Variants in LRIG1 observed in about 807,000 individuals in gnomAD.
LRIG1 encodes leucine rich repeats and immunoglobulin like domains 1.
A neutral mutation model predicts 99.2 loss-of-function variants in LRIG1; 48 were observed. The ratio of observed to expected loss-of-function variants is 0.48; its 90% CI spans 0.38 to 0.62. LRIG1 has a LOEUF of 0.62. Among genes scored for constraint, LRIG1 ranks in the 20% least tolerant of loss-of-function variants. The pLI is 0.00. For synonymous variants in LRIG1, 772 were observed against 596.1 expected (o/e 1.29, Z -4.30); for missense variants, 1,646 against 1,434.4 (o/e 1.15, Z -2.38).
intron 9 of LRIG1, chr3:66,404,257 A>C (rs1475922737): frequency 1.6e-6 from 2 of 1,289,162 alleles, no homozygotes; most frequent in South Asian, 1.2e-5. Flanking sequence ...TCTATCATCG[A>C]GCTCCACTAG....
chr3:66,383,842 A>AT (rs1701229108), intron 14 of LRIG1, 149 bp downstream of exon 14: 4 of 1,133,178 alleles, frequency 3.5e-6, no homozygotes, highest in Non-Finnish European at 4.9e-6. Context: ...TTTAAGAAAA[A>AT]TTAACTCAAC....
intron 3 of LRIG1, among the ~76,000 whole-genome samples, chr3:66,449,890 T>C (rs1370935435): frequency 6.6e-6 from 1 of 152,236 alleles, no homozygotes; most frequent in Non-Finnish European, 1.5e-5. Flanking sequence ...CCTTGTTAAA[T>C]GGAGCTTCTG....
chr3:66,497,690 A>T, intron 1 of LRIG1, among the ~76,000 whole-genome samples: 1 of 137,104 alleles, frequency 7.3e-6, no homozygotes, highest in Middle Eastern at 3.5e-3. Context: ...CTTCCACATC[A>T]GACGCACTGT....
intron 5 of LRIG1, among the ~76,000 whole-genome samples, chr3:66,414,673 C>A (rs548866098): frequency 6.6e-6 from 1 of 152,298 alleles, no homozygotes; most frequent in South Asian, 2.1e-4. Flanking sequence ...ACTCCTGATT[C>A]CATTTTGGAA....
At chr3:66,493,160 C>T (rs7642219) in intron 1 of LRIG1, among the ~76,000 whole-genome samples, 130,594 of 152,106 alleles carry the variant, frequency 0.86, 58,690 homozygotes, top group Non-Finnish European at 0.99. Flanking sequence ...GTAACTTAAC[C>T]CTGTTTGGAA....
intron 2 of LRIG1, among the ~76,000 whole-genome samples, chr3:66,458,604 A>C (rs1700281948): frequency 6.6e-6 from 1 of 152,172 alleles, no homozygotes; most frequent in Non-Finnish European, 1.5e-5. Flanking sequence ...TGGGAAACTG[A>C]GGCATGAGAA....
chr3:66,461,919 T>C (rs1437088854), intron 2 of LRIG1, among the ~76,000 whole-genome samples: 1 of 152,162 alleles, frequency 6.6e-6, no homozygotes, highest in South Asian at 2.1e-4. Context: ...CATCCTTCTA[T>C]AACTTCACTT....
chr3:66,428,251 G>C (rs1400733558), intron 3 of LRIG1, among the ~76,000 whole-genome samples: 1 of 152,106 alleles, frequency 6.6e-6, no homozygotes, highest in South Asian at 2.1e-4. Flanking sequence ...AAGTCCCCCA[G>C]GGTTGAAATG....
chr3:66,454,206 G>A (rs757982076), intron 2 of LRIG1, among the ~76,000 whole-genome samples: 8 of 152,148 alleles, frequency 5.3e-5, no homozygotes, highest in Non-Finnish European at 1.0e-4. Flanking sequence ...GCTATTCAGA[G>A]TAAGTCTGTT....
chr3:66,382,402 C>T lies in LRIG1; in HGVS notation c.2492-4G>A. 2.5e-6 allele frequency: 4 copies of T among 1,614,214 alleles called. No individual in the cohort carries two copies. The highest frequency in any genetic ancestry group is 1.3e-5 in the African/African-American group (1 of 75,048). ...TCTGGTGGCACGACGGTTTCATCTG[C>T]AAGGAGACAGAACAAATAGAACACC... On this transcript the variant is annotated splice_polypyrimidine_tract_variant and splice_region_variant and intron_variant, in intron 15 of 18. Coordinates refer to ENST00000273261, the MANE Select transcript of LRIG1 (RefSeq NM_015541.3).
rs1042961559 is a variant in LRIG1, at chr3:66,398,083, A to C, written c.1304+29T>G. The C allele has an allele frequency of 4.5e-6, 7 of 1,568,650 alleles. No individual in the cohort carries two copies. In the Middle Eastern group the frequency reaches 5.0e-4, roughly 112 times the overall value. On this transcript the variant is annotated intron_variant, in intron 11 of 18. Coordinates refer to ENST00000273261, the MANE Select transcript of LRIG1 (RefSeq NM_015541.3). Reference sequence around the variant, plus strand: ...TACTCTGAAAGTCTCCACTACCATTAATCAGACCCAGGGAATCCAGATACT... The same window carrying C: ...TACTCTGAAAGTCTCCACTACCATTCATCAGACCCAGGGAATCCAGATACT...
intron 1 of LRIG1, among the ~76,000 whole-genome samples, chr3:66,487,471 G>C (rs559663490): frequency 6.6e-6 from 1 of 152,282 alleles, no homozygotes; most frequent in South Asian, 2.1e-4. Flanking sequence ...TGCCCTGAAA[G>C]AATGTACCAA....
At chr3:66,400,611 G>C (rs940200605) in intron 9 of LRIG1, among the ~76,000 whole-genome samples, 5 of 152,166 alleles carry the variant, frequency 3.3e-5, no homozygotes, top group Admixed American at 1.3e-4. Context: ...GGGACTCTTG[G>C]TCCAGGATCT....
chr3:66,475,505 AC>A (rs1700701153), intron 1 of LRIG1, among the ~76,000 whole-genome samples: 4 of 152,044 alleles, frequency 2.6e-5, no homozygotes, highest in Admixed American at 2.6e-4. Context: ...CTTACTCCCC[AC>A]CACACTCAGT....
chr3:66,480,111 T>C (rs960599307), intron 1 of LRIG1, among the ~76,000 whole-genome samples: 1 of 152,200 alleles, frequency 6.6e-6, no homozygotes, highest in Non-Finnish European at 1.5e-5. Flanking sequence ...CTCCTCATGA[T>C]GGAAGCATTC....
chr3:66,431,193 A>T (rs757954232), intron 3 of LRIG1, among the ~76,000 whole-genome samples: 1 of 152,148 alleles, frequency 6.6e-6, no homozygotes. Flanking sequence ...ACTTCATTAC[A>T]ATTGTCAGGG....
chr3:66,499,566 C>G (rs955043480), intron 1 of LRIG1, among the ~76,000 whole-genome samples: 1 of 152,192 alleles, frequency 6.6e-6, no homozygotes, highest in Admixed American at 6.5e-5. Flanking sequence ...AGCCCTCTAA[C>G]TCAGGGGTCC....
At chr3:66,480,396 A>G (rs1303370925) in intron 1 of LRIG1, among the ~76,000 whole-genome samples, 1 of 152,104 alleles carries the variant, frequency 6.6e-6, no homozygotes, top group East Asian at 1.9e-4. Context: ...ATCTACGAAT[A>G]TACTAAAAAC....
At chr3:66,386,400 G>T in intron 12 of LRIG1, 99 bp from the exon 13 acceptor site, 1 of 1,034,138 alleles carries the variant, frequency 9.7e-7, no homozygotes, top group East Asian at 2.4e-5. Flanking sequence ...ACACCAAGCA[G>T]GAACCAGAGC....
Sources: gnomAD v4.1 joint callset for allele counts (sites outside exome capture counted in the v4.1 genomes callset) on GRCh38, gnomAD v4.1.1 for gene constraint, MANE v1.5 for transcripts, NCBI Gene and HGNC (gene_info 2026-07-23, HGNC 2026-07-21) for gene names.